TACR1: variants seen among roughly 807,000 people sequenced by gnomAD.
TACR1 encodes the protein substance-P receptor.
Under a neutral mutation model 35.8 loss-of-function variants are expected in TACR1, and 25 were observed. The observed-to-expected ratio is 0.70, with a 90% CI of 0.51 to 0.98. The LOEUF is 0.98. TACR1 is among the 50% of genes least tolerant of loss of function. The probability of loss-of-function intolerance (pLI) is 0.00; values close to 1 mark genes in which losing one functional copy is unlikely to be tolerated. For missense variants in TACR1, 478 were observed against 522.9 expected (o/e 0.91, Z 0.84); for synonymous variants, 195 against 206.7 (o/e 0.94, Z 0.48).
At chr2:75,050,734 C>G (rs17563917) in intron 4 of TACR1, among the ~76,000 whole-genome samples, 14,632 of 152,228 alleles carry the variant, frequency 0.096, 1,069 homozygotes, top group Admixed American at 0.15. Context: ...GCTGGAACTG[C>G]TGGAAGAAAA....
At chr2:75,093,220 T>A (rs1186628628) in intron 2 of TACR1, among the ~76,000 whole-genome samples, 1 of 152,218 alleles carries the variant, frequency 6.6e-6, no homozygotes, top group East Asian at 1.9e-4. Context: ...TCAGTTCTCC[T>A]GTATGACTTT....
intron 2 of TACR1, among the ~76,000 whole-genome samples, chr2:75,117,179 C>T (rs1180204666): frequency 6.6e-6 from 1 of 151,230 alleles, no homozygotes; most frequent in Non-Finnish European, 1.5e-5. Context: ...AGCCCATGTT[C>T]AAAACCTTTG....
intron 1 of TACR1, among the ~76,000 whole-genome samples, chr2:75,160,839 G>T (rs764570324): frequency 7.2e-6 from 1 of 138,078 alleles, no homozygotes; most frequent in Non-Finnish European, 1.6e-5. Context: ...ATCAATATAC[G>T]TGAGAGAGGG....
chr2:75,152,283 TG>T (rs1032880812), intron 1 of TACR1, among the ~76,000 whole-genome samples: 1 of 152,198 alleles, frequency 6.6e-6, no homozygotes, highest in African/African-American at 2.4e-5. Context: ...AACCTCAATT[TG>T]ATTTGTATCT....
At chr2:75,076,173 G>C (rs568569448) in intron 2 of TACR1, among the ~76,000 whole-genome samples, 60 of 152,330 alleles carry the variant, frequency 3.9e-4, no homozygotes, top group African/African-American at 1.4e-3. Context: ...AATTGGACCA[G>C]ATGGGTGAGG....
At chr2:75,096,859 T>A (rs1673434415) in intron 2 of TACR1, among the ~76,000 whole-genome samples, 1 of 152,066 alleles carries the variant, frequency 6.6e-6, no homozygotes, top group Non-Finnish European at 1.5e-5. Flanking sequence ...CAGTGGAAGA[T>A]GAGATCCTCC....
intron 1 of TACR1, among the ~76,000 whole-genome samples, chr2:75,182,652 C>G (rs1471209630): frequency 6.6e-6 from 1 of 152,142 alleles, no homozygotes; most frequent in Non-Finnish European, 1.5e-5. Context: ...CAAAAACTTA[C>G]CATTGTGTTC....
At chr2:75,107,541 G>T (rs1673672614) in intron 2 of TACR1, among the ~76,000 whole-genome samples, 1 of 151,750 alleles carries the variant, frequency 6.6e-6, no homozygotes, top group Admixed American at 6.6e-5. Flanking sequence ...AGGAAGCAAG[G>T]AAAGAAGAAA....
chr2:75,074,247 T>A (rs982681182), intron 2 of TACR1, among the ~76,000 whole-genome samples: 1 of 152,160 alleles, frequency 6.6e-6, no homozygotes, highest in African/African-American at 2.4e-5. Context: ...CTGAGGCAAG[T>A]GGCAAGTGTT....
intron 1 of TACR1, among the ~76,000 whole-genome samples, chr2:75,140,490 A>T (rs1438127561): frequency 6.6e-6 from 1 of 152,044 alleles, no homozygotes; most frequent in African/African-American, 2.4e-5. Flanking sequence ...GTAGTTCCTG[A>T]TTCGTCTGTT....
intron 2 of TACR1, among the ~76,000 whole-genome samples, chr2:75,066,950 C>T (rs1464701656): frequency 6.6e-6 from 1 of 152,156 alleles, no homozygotes; most frequent in East Asian, 1.9e-4. Context: ...AATTTCTGGA[C>T]TATCTTTTAT....
chr2:75,114,169 A>G (rs901774698), intron 2 of TACR1, among the ~76,000 whole-genome samples: 14 of 152,218 alleles, frequency 9.2e-5, no homozygotes, highest in African/African-American at 3.4e-4. Context: ...TAAATGAACG[A>G]TTCTGTTTTC....
intron 2 of TACR1, among the ~76,000 whole-genome samples, chr2:75,112,941 A>G (rs142410848): frequency 1.3e-5 from 2 of 152,262 alleles, no homozygotes; most frequent in Non-Finnish European, 2.9e-5. Context: ...ATATTTGTAA[A>G]TGGAGTTGGT....
At chr2:75,141,988 A>G (rs1341386584) in intron 1 of TACR1, among the ~76,000 whole-genome samples, 1 of 152,212 alleles carries the variant, frequency 6.6e-6, no homozygotes, top group Non-Finnish European at 1.5e-5. Context: ...GGAAACATTT[A>G]TTGCACTCTA....
intron 1 of TACR1, among the ~76,000 whole-genome samples, chr2:75,194,010 CAAT>C (rs888507135): frequency 6.6e-6 from 1 of 152,126 alleles, no homozygotes; most frequent in Non-Finnish European, 1.5e-5. Flanking sequence ...AATTCAGCAA[CAAT>C]AATAGTAACA....
chr2:75,056,490 T>G (rs1265845407), intron 2 of TACR1, among the ~76,000 whole-genome samples: 1 of 152,224 alleles, frequency 6.6e-6, no homozygotes, highest in South Asian at 2.1e-4. Flanking sequence ...TACCCGGCCT[T>G]GCCTGCTCCT....
At chr2:75,087,472 C>T (rs756165144) in intron 2 of TACR1, among the ~76,000 whole-genome samples, 8 of 152,222 alleles carry the variant, frequency 5.3e-5, no homozygotes, top group Admixed American at 6.5e-5. Context: ...AAACAACAAT[C>T]ATCATTCACC....
intron 2 of TACR1, among the ~76,000 whole-genome samples, chr2:75,088,811 C>T (rs530043353): frequency 3.3e-5 from 5 of 152,186 alleles, no homozygotes; most frequent in East Asian, 1.9e-4. Context: ...TCTTTATTCC[C>T]GTGGCTTGGG....
intron 1 of TACR1, chr2:75,154,399 AGAGCGCG>A (rs1373192606): frequency 1.4e-5 from 1 of 72,876 alleles, no homozygotes; most frequent in Admixed American, 1.3e-4. Context: ...TAATCAGCCA[AGAGCGCG>A]CACGCACACA....
Sources: gnomAD v4.1 joint callset for allele counts (sites outside exome capture counted in the v4.1 genomes callset) on GRCh38, gnomAD v4.1.1 for gene constraint, MANE v1.5 for transcripts, NCBI Gene and HGNC (gene_info 2026-07-23, HGNC 2026-07-21) for gene names.